Variants in POFUT3 observed in about 807,000 individuals in gnomAD.
POFUT3 encodes GDP-fucose protein O-fucosyltransferase 3.
At chr8:33,428,241 C>A in the POFUT3 span, among the ~76,000 whole-genome samples, 1 of 152,174 alleles carries the variant, frequency 6.6e-6, no homozygotes, top group Non-Finnish European at 1.5e-5. Flanking sequence ...CATGGAGTGT[C>A]AAGGCTCCTG....
At chr8:33,432,058 T>G in the POFUT3 span, among the ~76,000 whole-genome samples, 4 of 152,178 alleles carry the variant, frequency 2.6e-5, no homozygotes, top group African/African-American at 9.6e-5. Context: ...GCAGATTTCT[T>G]GAGCCTAGGA....
chr8:33,372,720 T>A, the POFUT3 span: 1 of 1,613,938 alleles, frequency 6.2e-7, no homozygotes, highest in South Asian at 1.1e-5. Flanking sequence ...AAAGGTGGAG[T>A]CCGGAGTGGT....
chr8:33,321,871 C>A, the POFUT3 span, among the ~76,000 whole-genome samples: 1 of 152,066 alleles, frequency 6.6e-6, no homozygotes, highest in Non-Finnish European at 1.5e-5. Context: ...TTAGGTGCAC[C>A]TTTTGAATGC....
chr8:33,375,387 G>A, the POFUT3 span, among the ~76,000 whole-genome samples: 1 of 152,180 alleles, frequency 6.6e-6, no homozygotes, highest in Non-Finnish European at 1.5e-5. Flanking sequence ...TCAGGCTGCT[G>A]CTCCACACTA....
chr8:33,321,722 GAAAC>G, the POFUT3 span, among the ~76,000 whole-genome samples: 3 of 152,062 alleles, frequency 2.0e-5, no homozygotes, highest in African/African-American at 7.2e-5. Flanking sequence ...GGCCATCTTG[GAAAC>G]AAACTAACAA....
chr8:33,470,089 G>A, the POFUT3 span, among the ~76,000 whole-genome samples: 7 of 151,624 alleles, frequency 4.6e-5, no homozygotes, highest in South Asian at 2.1e-4. Flanking sequence ...CATGGCGCCC[G>A]GCAAGAAGCA....
the POFUT3 span, among the ~76,000 whole-genome samples, chr8:33,318,375 A>T: frequency 6.7e-6 from 1 of 149,190 alleles, no homozygotes; most frequent in African/African-American, 2.5e-5. Context: ...TCCCTTGCAC[A>T]AAAAGGGAAA....
chr8:33,452,064 T>C, the POFUT3 span: 13 of 149,320 alleles, frequency 8.7e-5, no homozygotes, highest in East Asian at 2.6e-3. Flanking sequence ...TACGTGTGTA[T>C]ATATGCATGT....
At chr8:33,358,096 C>CA in the POFUT3 span, among the ~76,000 whole-genome samples, 1 of 151,826 alleles carries the variant, frequency 6.6e-6, no homozygotes, top group Non-Finnish European at 1.5e-5. Flanking sequence ...ATAAAAAATA[C>CA]AAAAAAATTA....
chr8:33,335,265 A>G, the POFUT3 span, among the ~76,000 whole-genome samples: 7 of 152,162 alleles, frequency 4.6e-5, no homozygotes, highest in Non-Finnish European at 7.3e-5. Context: ...AATTCTATAT[A>G]GAAATTGACT....
At chr8:33,425,996 C>T in the POFUT3 span, among the ~76,000 whole-genome samples, 179 of 152,154 alleles carry the variant, frequency 1.2e-3, 2 homozygotes, top group East Asian at 0.029. Flanking sequence ...CACCGCCTCC[C>T]GAGTTCAAGC....
At chr8:33,350,998 CAG>C in the POFUT3 span, among the ~76,000 whole-genome samples, 1 of 152,042 alleles carries the variant, frequency 6.6e-6, no homozygotes, top group African/African-American at 2.4e-5. Context: ...TTTTTTGGGA[CAG>C]AGTCTCACTC....
At chr8:33,460,844 T>A in the POFUT3 span, 4 of 586,530 alleles carry the variant, frequency 6.8e-6, no homozygotes, top group Non-Finnish European at 8.6e-6. Context: ...GGGAGGTATT[T>A]TCTCCCAGTA....
the POFUT3 span, chr8:33,436,405 T>A: frequency 1.4e-6 from 2 of 1,424,520 alleles, no homozygotes; most frequent in African/African-American, 2.8e-5. Context: ...ACCATACTCC[T>A]CAAACTTGGC....
At chr8:33,453,378 T>C in the POFUT3 span, 1 of 1,614,222 alleles carries the variant, frequency 6.2e-7, no homozygotes, top group Non-Finnish European at 8.5e-7. Flanking sequence ...TTTCTTTTCC[T>C]GTTGAAGGTC....
chr8:33,329,503 T>C, the POFUT3 span, among the ~76,000 whole-genome samples: 2 of 152,252 alleles, frequency 1.3e-5, no homozygotes, highest in African/African-American at 2.4e-5. Context: ...ATTCTTCTTA[T>C]GATACTGGAC....
At chr8:33,439,931 G>T in the POFUT3 span, among the ~76,000 whole-genome samples, 1 of 152,060 alleles carries the variant, frequency 6.6e-6, no homozygotes, top group African/African-American at 2.4e-5. Flanking sequence ...AAACCCTGAT[G>T]GCCTGGCTCC....
the POFUT3 span, among the ~76,000 whole-genome samples, chr8:33,468,883 T>C: frequency 7.6e-4 from 116 of 152,250 alleles, no homozygotes; most frequent in Non-Finnish European, 1.2e-3. Context: ...CTGGGAAGAC[T>C]CCTTTGCCCA....
chr8:33,413,420 C>G, the POFUT3 span, among the ~76,000 whole-genome samples: 2 of 152,060 alleles, frequency 1.3e-5, no homozygotes, highest in South Asian at 2.1e-4. Context: ...AAGGACACAG[C>G]AAGAAGGTGG....
Sources: gnomAD v4.1 joint callset for allele counts (sites outside exome capture counted in the v4.1 genomes callset) on GRCh38, gnomAD v4.1.1 for gene constraint, MANE v1.5 for transcripts, NCBI Gene and HGNC (gene_info 2026-07-23, HGNC 2026-07-21) for gene names.